Variants in NGEF observed in about 807,000 individuals in gnomAD.
The protein encoded by NGEF is ephexin-1.
Under a neutral mutation model 80.9 loss-of-function variants are expected in NGEF, and 31 were observed. The observed-to-expected ratio is 0.38, with a 90% CI of 0.29 to 0.52. The LOEUF (loss-of-function observed/expected upper bound fraction) is 0.52, where lower values mean the gene tolerates loss of function less well. NGEF is among the 20% of genes least tolerant of loss of function. NGEF has a pLI of 0.84. For synonymous variants in NGEF, 371 were observed against 370.2 expected, an observed-to-expected ratio of 1.00 and a Z score of -0.03; for missense variants, 709 against 926.2, an observed-to-expected ratio of 0.77 and a Z score of 3.04.
chr2:232,975,761 C>T (rs946907076), intron 1 of NGEF, among the ~76,000 whole-genome samples: 7 of 152,072 alleles, frequency 4.6e-5, no homozygotes, highest in East Asian at 1.9e-4. Flanking sequence ...ACAGAGAGGC[C>T]GAGCTAGGAA....
chr2:232,908,102 T>A (rs1692617110), intron 5 of NGEF, among the ~76,000 whole-genome samples: 1 of 152,098 alleles, frequency 6.6e-6, no homozygotes, highest in Non-Finnish European at 1.5e-5. Context: ...AGAGTGAGAC[T>A]CTGTCACAAA....
In NGEF at chr2:232,974,971, A is replaced by G. The variant is rs746326461; in HGVS notation, c.-74-7T>C. 11 of 1,420,648 alleles carry G rather than the reference A, an allele frequency of 7.7e-6. No individual in the cohort carries two copies. The highest frequency in any genetic ancestry group is 1.1e-5 in the Non-Finnish European group (11 of 1,046,622). 88.0% of individuals were successfully genotyped at this position (1,420,648 alleles called of 1,614,324 possible). ...AGCTTCACTGGTTTGAGTGCTTTAGAATAGATAGAAAACAATTTTCAGTTA... is the reference window on the plus strand; with the variant it reads ...AGCTTCACTGGTTTGAGTGCTTTAGGATAGATAGAAAACAATTTTCAGTTA... On this transcript the variant is annotated splice_polypyrimidine_tract_variant and splice_region_variant and intron_variant, in intron 1 of 14. Transcript: ENST00000264051.
intron 1 of NGEF, among the ~76,000 whole-genome samples, chr2:232,980,018 G>A (rs1273367392): frequency 6.6e-6 from 1 of 152,160 alleles, no homozygotes; most frequent in Non-Finnish European, 1.5e-5. Context: ...GGCAAATGGT[G>A]CGGCAGGGGT....
chr2:232,893,145 G>T, intron 6 of NGEF, 95 bp from the exon 7 acceptor site: 1 of 1,294,444 alleles, frequency 7.7e-7, no homozygotes, highest in African/African-American at 1.4e-5. Flanking sequence ...CTTGGACATT[G>T]GACATAGCAG....
intron 1 of NGEF, 91 bp from the exon 2 acceptor site, chr2:232,975,055 G>A: frequency 1.5e-6 from 1 of 654,306 alleles, no homozygotes; most frequent in Non-Finnish European, 2.5e-6. Flanking sequence ...CGAATTTGAT[G>A]AAACGTGGGA....
chr2:232,908,968 AGT>A (rs1003661678), intron 5 of NGEF, among the ~76,000 whole-genome samples: 4 of 152,138 alleles, frequency 2.6e-5, no homozygotes, highest in South Asian at 4.1e-4. Flanking sequence ...TATCACGTCC[AGT>A]GTTTTTATTT....
At chr2:232,882,059 C>T (rs754750953) in intron 13 of NGEF, 127 bp downstream of exon 13, 98 of 782,008 alleles carry the variant, frequency 1.3e-4, no homozygotes, top group Non-Finnish European at 1.7e-4. Flanking sequence ...CCTGGAGGCC[C>T]GTGCAGGCCT....
chr2:232,992,052 C>T (rs569779205), intron 1 of NGEF, among the ~76,000 whole-genome samples: 1 of 152,232 alleles, frequency 6.6e-6, no homozygotes, highest in African/African-American at 2.4e-5. Context: ...GGATTCCTAC[C>T]TCACATCATA....
At chr2:232,980,280 G>A (rs530976543) in intron 1 of NGEF, among the ~76,000 whole-genome samples, 1 of 152,304 alleles carries the variant, frequency 6.6e-6, no homozygotes, top group South Asian at 2.1e-4. Flanking sequence ...GGACAAGGAG[G>A]TGGGGAGTTG....
At chr2:232,901,245 C>T (rs572237081) in intron 5 of NGEF, 12 of 441,336 alleles carry the variant, frequency 2.7e-5, no homozygotes, top group African/African-American at 1.3e-4. Context: ...CCTGGCCGGC[C>T]GGGACTACAG....
chr2:232,903,002 A>AAAAACAAAAC (rs10683294), intron 5 of NGEF, among the ~76,000 whole-genome samples: 7 of 151,202 alleles, frequency 4.6e-5, no homozygotes, highest in Admixed American at 6.6e-5. Context: ...AAAACAAAAC[A>AAAAACAAAAC]AAAACAAAAC....
At chr2:232,963,446 G>A (rs1693992080) in intron 3 of NGEF, among the ~76,000 whole-genome samples, 3 of 151,844 alleles carry the variant, frequency 2.0e-5, no homozygotes, top group Admixed American at 1.3e-4. Flanking sequence ...TATTTCTTAG[G>A]ATATAAAAGG....
At chr2:232,931,961 A>G (rs1447848981) in intron 3 of NGEF, among the ~76,000 whole-genome samples, 1 of 152,314 alleles carries the variant, frequency 6.6e-6, no homozygotes, top group Non-Finnish European at 1.5e-5. Context: ...TTGCCACTTT[A>G]TGACAAGGAC....
chr2:232,903,660 T>C (rs1559201966), intron 5 of NGEF, among the ~76,000 whole-genome samples: 1 of 152,200 alleles, frequency 6.6e-6, no homozygotes, highest in Non-Finnish European at 1.5e-5. Flanking sequence ...TTCTAACGCC[T>C]AGCTGACGTT....
intron 2 of NGEF, among the ~76,000 whole-genome samples, chr2:232,970,567 A>T (rs1446649679): frequency 1.3e-5 from 2 of 151,978 alleles, no homozygotes; most frequent in Admixed American, 1.3e-4. Context: ...GGTGGCTCAC[A>T]CCTGTAATCC....
chr2:232,967,375 C>T (rs945200821), intron 3 of NGEF, among the ~76,000 whole-genome samples: 7 of 152,100 alleles, frequency 4.6e-5, no homozygotes, highest in African/African-American at 1.7e-4. Context: ...CACTCTGTCG[C>T]CCAGGCTGGT....
At position 232,885,332 on chromosome 2, in the gene NGEF, C is replaced by G. The variant is rs1228310202; in HGVS notation, c.1385G>C (p.Ser462Thr). The change falls in exon 10 of 15, where the codon AGC becomes ACC. Residue 462 changes from serine (S) to threonine (T), a missense_variant. Physicochemically the swap from Ser to Thr is moderately conservative, Grantham distance 58. This residue lies in a region of NGEF where 426 missense variants were observed against 622.9 expected (regional missense o/e 0.68). Coordinates refer to ENST00000264051, the MANE Select transcript of NGEF (RefSeq NM_019850.3). Reference sequence around the variant, plus strand: ...AATGCTGATCATCTGTTCCGTGCGGCTCATTTTCCTGACGCCCTCGTTGCA... The same window carrying G: ...AATGCTGATCATCTGTTCCGTGCGGGTCATTTTCCTGACGCCCTCGTTGCA... ...KACNEGVRKM[S>T]RTEQMISIQK... 6.2e-7 allele frequency: 1 copy of G among 1,614,184 alleles called. No individual in the cohort carries two copies. Among genetic ancestry groups the G allele is most frequent in the Admixed American group, 1.7e-5 (1 of 60,030 alleles).
chr2:232,964,953 A>G (rs1201315846), intron 3 of NGEF, among the ~76,000 whole-genome samples: 1 of 152,222 alleles, frequency 6.6e-6, no homozygotes, highest in Non-Finnish European at 1.5e-5. Flanking sequence ...GGTCCAGTTG[A>G]TGGTCAAGGA....
At chr2:232,923,085 AAAAC>A (rs1303965060) in intron 4 of NGEF, among the ~76,000 whole-genome samples, 3 of 151,984 alleles carry the variant, frequency 2.0e-5, no homozygotes, top group Non-Finnish European at 4.4e-5. Flanking sequence ...AAAAAAACAA[AAAAC>A]AAACAACAAC....
Sources: allele counts gnomAD v4.1 joint callset (sites outside exome capture counted in the v4.1 genomes callset), GRCh38; gene constraint gnomAD v4.1.1; regional missense constraint gnomAD v4.1.1; transcripts MANE v1.5; gene names NCBI Gene and HGNC (gene_info 2026-07-23, HGNC 2026-07-21).